PIEZO2: variants seen among roughly 807,000 people sequenced by gnomAD.
PIEZO2 encodes the protein piezo type mechanosensitive ion channel component 2.
A neutral mutation model predicts 337.3 loss-of-function variants in PIEZO2; 172 were observed. That is an observed-to-expected ratio of 0.51 (90% CI 0.45 to 0.58). The LOEUF is 0.58. Ranked by LOEUF, PIEZO2 falls within the 20% of genes least tolerant of loss-of-function variation. The pLI, the probability that PIEZO2 is intolerant of heterozygous loss-of-function variation, is 0.00. For missense variants in PIEZO2, 3,028 were observed against 3,391.3 expected, an observed-to-expected ratio of 0.89 and a Z score of 2.66; for synonymous variants, 1,251 against 1,228.5, an observed-to-expected ratio of 1.02 and a Z score of -0.38.
In PIEZO2 at chr18:10,726,262, C is replaced by T. The variant is rs565206257; in HGVS notation, c.5029+5145G>A. On this transcript the variant is annotated intron_variant, in intron 36 of 55. Transcript: ENST00000674853. The surrounding 1 kb of genome is among the most constrained non-coding windows in gnomAD (Gnocchi z 5.9). ...AAGAGCTTGTGTGCGAGCCTGTGTT[C>T]GGGAGCATGAGAATGGAAGCGTCGC... 1.2e-4 allele frequency: 95 copies of T among 801,472 alleles called. No individual in the cohort carries two copies. Among genetic ancestry groups the T allele is most frequent in the Middle Eastern group, 2.2e-4 (1 of 4,490 alleles). 49.6% of individuals were successfully genotyped at this position (801,472 alleles called of 1,614,324 possible).
chr18:10,954,244 G>A lies in PIEZO2; in HGVS notation c.286+25291C>T, dbSNP rs1468232428. Among the ~76,000 whole-genome samples the A allele has an allele frequency of 1.3e-5, 2 of 152,106 alleles. No homozygotes were observed. The highest frequency in any genetic ancestry group is 2.9e-5 in the Non-Finnish European group (2 of 68,028). The stretch of plus-strand genomic sequence containing the variant: ...CTGCTGGGATTCTGACTAGAATTGT[G>A]TTGAACCTATAGATCAGTTTAGAGA... On this transcript the variant is annotated intron_variant, in intron 3 of 55. Transcript: ENST00000674853. This position sits in a 1 kb window ranked among gnomAD's most constrained non-coding sequence, Gnocchi z 4.2.
Position 10,775,394 on chromosome 18 carries a change from T to C in PIEZO2, c.2535-1356A>G, listed in dbSNP as rs2038748768. 6.6e-6 allele frequency among the ~76,000 whole-genome samples: 1 copy of C among 152,196 alleles called. No homozygotes were observed. The highest frequency in any genetic ancestry group is 6.5e-5 in the Admixed American group (1 of 15,282). On this transcript the variant is annotated intron_variant, in intron 18 of 55. Coordinates refer to ENST00000674853, the MANE Select transcript of PIEZO2 (RefSeq NM_001378183.1). This position sits in a 1 kb window ranked among gnomAD's most constrained non-coding sequence, Gnocchi z 4.3. The stretch of plus-strand genomic sequence containing the variant: ...CGGCTGCTGCACAGTCGTCAGTATG[T>C]ATTTGTTCTCTTCAGGGATGCATTT...
chr18:10,709,720 T>A (rs116210414), intron 39 of PIEZO2: 2 of 152,268 alleles, frequency 1.3e-5, no homozygotes, highest in African/African-American at 4.8e-5. Flanking sequence ...TCAGGTCCCA[T>A]GTGCTGGAGC....
chr18:10,704,601 C>A lies in PIEZO2; in HGVS notation c.6051G>T (p.Gln2017His). ...CATAGAAGAGCAGCAGAAATCGGGG[C>A]TGCCCCACGTAGAATTTCTCTGACT... is the stretch of plus-strand genomic sequence containing the variant. Reference protein sequence around the residue: ...LEESEKFYVGQPRFLLLFYAM... With the variant: ...LEESEKFYVGHPRFLLLFYAM... The change falls in exon 42 of 56, where the codon CAG becomes CAT. Residue 2017 changes from glutamine (Q) to histidine (H), a missense_variant. Gln to His is a conservative substitution (Grantham distance 24). Transcript: ENST00000674853. 6.5e-7 allele frequency: 1 copy of A among 1,537,284 alleles called. No individual in the cohort carries two copies. Among genetic ancestry groups the A allele is most frequent in the African/African-American group, 1.4e-5 (1 of 73,186 alleles).
chr18:11,074,923 A>AT (rs1280925568), intron 1 of PIEZO2, among the ~76,000 whole-genome samples: 4 of 152,202 alleles, frequency 2.6e-5, no homozygotes, highest in African/African-American at 7.2e-5. Flanking sequence ...TCAGAGCTAA[A>AT]TTTTTGGCAA....
intron 11 of PIEZO2, among the ~76,000 whole-genome samples, chr18:10,799,412 C>T (rs1342874648): frequency 6.6e-6 from 1 of 152,216 alleles, no homozygotes; most frequent in Non-Finnish European, 1.5e-5. Flanking sequence ...GTTGCCAGAC[C>T]TTCACAGTCT....
At position 10,773,535 on chromosome 18, in the gene PIEZO2, C is replaced by G; in HGVS notation, c.2662G>C (p.Gly888Arg). Reference protein sequence around the residue: ...KPEVRKLAEPGEEKLEGYSEK... With the variant: ...KPEVRKLAEPREEKLEGYSEK... The stretch of plus-strand genomic sequence containing the variant: ...GAGTAGCCCTCAAGCTTCTCCTCCC[C>G]AGGCTCAGCCAACTTCCTCACCTCC... Residue 888 changes from glycine (G) to arginine (R), a missense_variant, in exon 20 of 56, where the codon GGG becomes CGG. This residue lies in a region of PIEZO2 where 1,925 missense variants were observed against 2,051.9 expected (regional missense o/e 0.94). Coordinates refer to ENST00000674853, the MANE Select transcript of PIEZO2 (RefSeq NM_001378183.1). This position sits in a 1 kb window ranked among gnomAD's most constrained non-coding sequence, Gnocchi z 5.3. 2.0e-6 allele frequency: 3 copies of G among 1,537,454 alleles called. No individual in the cohort carries two copies. The highest frequency in any genetic ancestry group is 2.6e-6 in the Non-Finnish European group (3 of 1,146,976).
chr18:11,064,936 A>C (rs185579334), intron 2 of PIEZO2, among the ~76,000 whole-genome samples: 1 of 152,332 alleles, frequency 6.6e-6, no homozygotes, highest in African/African-American at 2.4e-5. Context: ...TAATTCCTTT[A>C]GGAATGAGGC....
In PIEZO2 at chr18:10,673,389, C is replaced by T. The variant is rs1438669634; in HGVS notation, c.8162-516G>A. ...GGGCACATGACAGCCACCATGGGAC[C>T]AGCATTGACAAGGTCTGTTGGCTTA... is the stretch of plus-strand genomic sequence containing the variant. On this transcript the variant is annotated intron_variant, in intron 54 of 55. Coordinates refer to ENST00000674853, the MANE Select transcript of PIEZO2 (RefSeq NM_001378183.1). The surrounding 1 kb of genome is among the most constrained non-coding windows in gnomAD (Gnocchi z 4.8). Among the ~76,000 whole-genome samples the T allele has an allele frequency of 2.0e-5, 3 of 152,162 alleles. No individual in the cohort carries two copies. The highest frequency in any genetic ancestry group is 6.5e-5 in the Admixed American group (1 of 15,282).
chr18:10,718,595 T>A (rs2036112441), intron 36 of PIEZO2, among the ~76,000 whole-genome samples: 2 of 152,196 alleles, frequency 1.3e-5, no homozygotes, highest in African/African-American at 4.8e-5. Flanking sequence ...ATTTGGTGCA[T>A]GTGAAAATTA....
At chr18:11,089,040 T>C (rs1046196495) in intron 1 of PIEZO2, among the ~76,000 whole-genome samples, 1 of 152,202 alleles carries the variant, frequency 6.6e-6, no homozygotes, top group Non-Finnish European at 1.5e-5. Context: ...CAGTTATCAG[T>C]CTGTCTAGGG....
chr18:11,060,321 G>T (rs2037897715), intron 2 of PIEZO2, among the ~76,000 whole-genome samples: 1 of 152,108 alleles, frequency 6.6e-6, no homozygotes, highest in African/African-American at 2.4e-5. Context: ...TTCTAAAATT[G>T]ACACCCTAAC....
intron 53 of PIEZO2, among the ~76,000 whole-genome samples, chr18:10,675,839 C>G (rs772320296): frequency 6.6e-6 from 1 of 152,064 alleles, no homozygotes; most frequent in Non-Finnish European, 1.5e-5. Flanking sequence ...GTGAATAAGT[C>G]TCATGAAATC....
At chr18:10,728,043 C>T (rs918784731) in intron 36 of PIEZO2, 2 of 151,806 alleles carry the variant, frequency 1.3e-5, no homozygotes, top group Admixed American at 6.6e-5. Context: ...CCCGACAGAA[C>T]GATGCAGGAA....
chr18:10,941,125 CA>C (rs2032701923), intron 3 of PIEZO2, among the ~76,000 whole-genome samples: 1 of 151,972 alleles, frequency 6.6e-6, no homozygotes, highest in South Asian at 2.1e-4. Flanking sequence ...GCCAACTAGA[CA>C]CCCTAAACAA....
At position 10,855,372 on chromosome 18, in the gene PIEZO2, G is replaced by C. The variant is rs2041674942; in HGVS notation, c.898C>G (p.Pro300Ala). The C allele has an allele frequency of 6.5e-7, 1 of 1,536,048 alleles. No homozygotes were observed. The highest frequency in any genetic ancestry group is 1.4e-5 in the African/African-American group (1 of 73,136). Residue 300 changes from proline to alanine, a missense_variant, in exon 7 of 56, where the codon CCC (proline) becomes GCC (alanine). Physicochemically the swap from Pro to Ala is conservative, Grantham distance 27. Transcript: ENST00000674853. The surrounding 1 kb of genome is among the most constrained non-coding windows in gnomAD (Gnocchi z 4.9). ...QFQFFQEAVP[P>A]NDYYARLFGI... ...TCTTACCTTGCATAGTAGTCATTGG[G>C]TGGAACTGCCTCTTGAAAGAATTGG...
chr18:11,061,232 A>G (rs1219261387), intron 2 of PIEZO2, among the ~76,000 whole-genome samples: 2 of 151,962 alleles, frequency 1.3e-5, no homozygotes, highest in Non-Finnish European at 2.9e-5. Context: ...CTCTCAATAA[A>G]TTAGGTATTG....
chr18:11,053,853 T>TAA (rs113123136), intron 2 of PIEZO2, among the ~76,000 whole-genome samples: 1 of 145,814 alleles, frequency 6.9e-6, no homozygotes, highest in African/African-American at 2.5e-5. Context: ...CCGTCTCTAC[T>TAA]AAAAAAAAAA....
At chr18:10,699,217 C>A in intron 43 of PIEZO2, 40 bp from the exon 44 acceptor site, 1 of 1,534,702 alleles carries the variant, frequency 6.5e-7, no homozygotes, top group South Asian at 1.2e-5. Flanking sequence ...GCTACTGTTT[C>A]AGGTGGAACC....
Sources: gnomAD v4.1 joint callset for allele counts (sites outside exome capture counted in the v4.1 genomes callset) on GRCh38, gnomAD v4.1.1 for gene constraint, gnomAD v4.1.1 regional missense constraint, Gnocchi (gnomAD v3.1) non-coding constraint, MANE v1.5 for transcripts, NCBI Gene and HGNC (gene_info 2026-07-23, HGNC 2026-07-21) for gene names.